ADAMTS20: variants seen among roughly 807,000 people sequenced by gnomAD.
The protein encoded by ADAMTS20 is A disintegrin and metalloproteinase with thrombospondin motifs 20.
Under a neutral mutation model 260.1 loss-of-function variants are expected in ADAMTS20, and 225 were observed. The ratio of observed to expected loss-of-function variants is 0.87; its 90% CI spans 0.78 to 0.97. The LOEUF is 0.97. Ranked by LOEUF, ADAMTS20 falls within the 50% of genes least tolerant of loss-of-function variation. The pLI is 0.00. For synonymous variants in ADAMTS20, 802 were observed against 769.5 expected, an observed-to-expected ratio of 1.04 and a Z score of -0.70; for missense variants, 2,400 against 2,337.7, an observed-to-expected ratio of 1.03 and a Z score of -0.55.
rs1472395037 is a variant in ADAMTS20 at position 43,354,368 on chromosome 12, A to G, written c.5644-70T>C. 4.3e-6 allele frequency: 5 copies of G among 1,153,728 alleles called. No homozygotes were observed. The Admixed American group carries it at 6.3e-5, about 15-fold the overall frequency. 71.5% of individuals were successfully genotyped at this position (1,153,728 alleles called of 1,614,324 possible). On this transcript the variant is annotated intron_variant, in intron 38 of 38. Transcript: ENST00000389420. Reference sequence around the variant, plus strand: ...GTATCTGTATGCAAATAGCAGAAAAAGCAAATGCTTTGAATCATATGGCTA... The same window carrying G: ...GTATCTGTATGCAAATAGCAGAAAAGGCAAATGCTTTGAATCATATGGCTA...
At chr12:43,454,448 T>A (rs1191650455) in intron 11 of ADAMTS20, among the ~76,000 whole-genome samples, 1 of 152,230 alleles carries the variant, frequency 6.6e-6, no homozygotes, top group African/African-American at 2.4e-5. Flanking sequence ...TCTACTTTAT[T>A]CTATCCGAAG....
At chr12:43,446,179 A>G (rs1040741561) in intron 15 of ADAMTS20, among the ~76,000 whole-genome samples, 4 of 152,216 alleles carry the variant, frequency 2.6e-5, no homozygotes, top group Admixed American at 6.5e-5. Flanking sequence ...AGGTCAAGTC[A>G]TACCAAAAAA....
chr12:43,494,483 G>A (rs1220060241), intron 4 of ADAMTS20, among the ~76,000 whole-genome samples: 3 of 152,306 alleles, frequency 2.0e-5, no homozygotes, highest in African/African-American at 7.2e-5. Context: ...GGGTCAGCAT[G>A]AGCATAAATA....
At chr12:43,388,045 T>C (rs953575550) in intron 29 of ADAMTS20, among the ~76,000 whole-genome samples, 7 of 151,830 alleles carry the variant, frequency 4.6e-5, no homozygotes, top group Non-Finnish European at 1.5e-5. Flanking sequence ...AACAATTCTG[T>C]CTTGCTGGCA....
chr12:43,361,805 T>C (rs1283427043), intron 37 of ADAMTS20, among the ~76,000 whole-genome samples: 1 of 152,216 alleles, frequency 6.6e-6, no homozygotes, highest in Admixed American at 6.5e-5. Flanking sequence ...ATTGGACTTA[T>C]GTTAAGGTAT....
At chr12:43,416,995 A>G (rs1941145232) in intron 28 of ADAMTS20, among the ~76,000 whole-genome samples, 1 of 152,142 alleles carries the variant, frequency 6.6e-6, no homozygotes, top group Non-Finnish European at 1.5e-5. Flanking sequence ...ACTTCCTATG[A>G]CATCCTTTTC....
intron 18 of ADAMTS20, among the ~76,000 whole-genome samples, chr12:43,436,355 T>C (rs1233643911): frequency 6.6e-6 from 1 of 152,130 alleles, no homozygotes; most frequent in African/African-American, 2.4e-5. Context: ...ACCACTAGCT[T>C]CCTAGTTGAG....
rs372607114 is a variant in ADAMTS20, at chr12:43,440,780, C to T, written c.2291-711G>A. 4.6e-4 allele frequency among the ~76,000 whole-genome samples: 70 copies of T among 152,152 alleles called. 2 individuals are homozygous for T. The South Asian group carries it at 7.9e-3, about 17-fold the overall frequency. ...AGACTGCTGCATCATTCCATTTATG[C>T]TTATCTTAGAAAAAAGGTACAAAGC... On this transcript the variant is annotated intron_variant, in intron 16 of 38. Transcript: ENST00000389420.
chr12:43,382,021 C>A (rs1313579977), intron 31 of ADAMTS20, among the ~76,000 whole-genome samples: 1 of 151,876 alleles, frequency 6.6e-6, no homozygotes, highest in African/African-American at 2.4e-5. Context: ...GAAATAGGAA[C>A]CTTTATACAT....
chr12:43,405,340 C>T (rs1565683243), intron 28 of ADAMTS20, among the ~76,000 whole-genome samples: 1 of 146,496 alleles, frequency 6.8e-6, no homozygotes, highest in Non-Finnish European at 1.5e-5. Context: ...ACTCTTGGAG[C>T]CCAGGGGACG....
intron 36 of ADAMTS20, among the ~76,000 whole-genome samples, chr12:43,372,462 T>C (rs1401354844): frequency 8.5e-5 from 13 of 152,184 alleles, no homozygotes; most frequent in Non-Finnish European, 1.9e-4. Context: ...AGAGATTGAT[T>C]AGAGTATAGC....
chr12:43,518,737 T>G (rs1276498621), intron 3 of ADAMTS20, among the ~76,000 whole-genome samples: 1 of 151,512 alleles, frequency 6.6e-6, no homozygotes, highest in Non-Finnish European at 1.5e-5. Flanking sequence ...ACCTAGTTGT[T>G]AATATTCCCT....
intron 7 of ADAMTS20, among the ~76,000 whole-genome samples, chr12:43,490,064 A>G (rs950396114): frequency 6.6e-6 from 1 of 152,042 alleles, no homozygotes; most frequent in Non-Finnish European, 1.5e-5. Context: ...GCATAGACCA[A>G]GCAATAGTAG....
At chr12:43,539,124 T>G (rs893390390) in intron 2 of ADAMTS20, among the ~76,000 whole-genome samples, 6 of 151,922 alleles carry the variant, frequency 3.9e-5, no homozygotes, top group Admixed American at 2.6e-4. Context: ...AGGTAATTTT[T>G]GTATTTTTAG....
intron 7 of ADAMTS20, among the ~76,000 whole-genome samples, chr12:43,485,756 A>G (rs182122124): frequency 1.3e-5 from 2 of 152,302 alleles, no homozygotes; most frequent in Admixed American, 1.3e-4. Context: ...ACAAATCAGT[A>G]TCACTGCTAT....
Position 43,369,377 on chromosome 12 carries a change from CG to C in ADAMTS20, c.5450del (p.Thr1817ArgfsTer42). On this transcript the variant is annotated frameshift_variant, in exon 37 of 39. Transcript: ENST00000389420. LOFTEE classifies it high-confidence loss of function. ...IDLTSMQIKT[T>X]DLLFSKTIFG... ...ATATTGTTTTGGAAAAAAGAAGGTCCGTAGCTAGAAAATAATAAATAAAACT... is the reference window on the plus strand; with the variant it reads ...ATATTGTTTTGGAAAAAAGAAGGTCCTAGCTAGAAAATAATAAATAAAACT... The C allele has an allele frequency of 6.6e-7, 1 of 1,506,132 alleles. No homozygotes were observed. Among genetic ancestry groups the C allele is most frequent in the Non-Finnish European group, 8.9e-7 (1 of 1,127,314 alleles). 93.3% of individuals were successfully genotyped at this position (1,506,132 alleles called of 1,614,324 possible). A position where few individuals can be genotyped will look rare whatever the true frequency, so the allele number is the denominator to read the frequency against.
At chr12:43,423,944 T>C (rs1468913376) in intron 28 of ADAMTS20, 1 of 703,692 alleles carries the variant, frequency 1.4e-6, no homozygotes, top group Non-Finnish European at 2.6e-6. Context: ...TAAAATGTTC[T>C]GTTGTTTAAT....
chr12:43,467,821 T>G (rs1464353443), intron 8 of ADAMTS20, among the ~76,000 whole-genome samples: 2 of 152,156 alleles, frequency 1.3e-5, no homozygotes, highest in Non-Finnish European at 2.9e-5. Context: ...ATTATTCCCC[T>G]TGAATGTTCT....
intron 37 of ADAMTS20, among the ~76,000 whole-genome samples, chr12:43,368,314 G>A (rs1047631825): frequency 6.6e-5 from 10 of 152,014 alleles, no homozygotes; most frequent in South Asian, 2.1e-4. Context: ...CATGCTGGGC[G>A]AAGAAACACC....
Sources: allele counts gnomAD v4.1 joint callset (sites outside exome capture counted in the v4.1 genomes callset), GRCh38; gene constraint gnomAD v4.1.1; transcripts MANE v1.5; gene names NCBI Gene and HGNC (gene_info 2026-07-23, HGNC 2026-07-21).